ADGRF5: variants seen among roughly 807,000 people sequenced by gnomAD.
ADGRF5 encodes the protein adhesion G protein-coupled receptor F5, also known as G-protein coupled receptor 116.
A neutral mutation model predicts 132.3 loss-of-function variants in ADGRF5; 75 were observed. The observed-to-expected ratio is 0.57, with a 90% CI of 0.47 to 0.69. The LOEUF (loss-of-function observed/expected upper bound fraction) is 0.69, where lower values mean the gene tolerates loss of function less well. Among genes scored for constraint, ADGRF5 ranks in the 30% least tolerant of loss-of-function variants. The probability of loss-of-function intolerance (pLI) is 0.00; values close to 1 mark genes in which losing one functional copy is unlikely to be tolerated. For missense variants in ADGRF5, 1,516 were observed against 1,630.6 expected, an observed-to-expected ratio of 0.93 and a Z score of 1.21; for synonymous variants, 629 against 597.6, an observed-to-expected ratio of 1.05 and a Z score of -0.77.
intron 1 of ADGRF5, among the ~76,000 whole-genome samples, chr6:46,946,687 T>C (rs1263017061): frequency 6.6e-6 from 1 of 152,020 alleles, no homozygotes; most frequent in Non-Finnish European, 1.5e-5. Flanking sequence ...CCTCTTCCCT[T>C]GGGACAAAAC....
At chr6:46,877,227 CTTT>C (rs1312042886) in intron 10 of ADGRF5, among the ~76,000 whole-genome samples, 38 of 20,950 alleles carry the variant, frequency 1.8e-3, no homozygotes, top group African/African-American at 7.6e-3. Flanking sequence ...TATTTCCTCT[CTTT>C]CTTTCTTTCT....
At chr6:46,943,672 A>G (rs1778184344) in intron 1 of ADGRF5, among the ~76,000 whole-genome samples, 1 of 152,236 alleles carries the variant, frequency 6.6e-6, no homozygotes, top group South Asian at 2.1e-4. Context: ...GAAAGGTTAA[A>G]CAACTTGCCA....
At chr6:46,886,242 G>A (rs375916324) in intron 4 of ADGRF5, among the ~76,000 whole-genome samples, 19 of 152,312 alleles carry the variant, frequency 1.2e-4, no homozygotes, top group African/African-American at 3.8e-4. Context: ...CAACACGTTC[G>A]AGTTAATTCC....
intron 11 of ADGRF5, among the ~76,000 whole-genome samples, chr6:46,869,852 T>C: frequency 6.6e-6 from 1 of 152,312 alleles, no homozygotes. Context: ...TACAGCAATA[T>C]AAGTATTTAT....
chr6:46,874,226 T>C (rs182302792), intron 10 of ADGRF5, among the ~76,000 whole-genome samples: 17 of 152,326 alleles, frequency 1.1e-4, no homozygotes, highest in African/African-American at 4.1e-4. Flanking sequence ...GCTTCTCTTC[T>C]CTTTATCTTC....
At chr6:46,933,326 TA>T (rs1777657139) in intron 1 of ADGRF5, among the ~76,000 whole-genome samples, 1 of 152,210 alleles carries the variant, frequency 6.6e-6, no homozygotes. Context: ...CTCAGTAAAG[TA>T]ACTCCTGTTC....
At chr6:46,880,860 G>A (rs1772379672) in intron 8 of ADGRF5, among the ~76,000 whole-genome samples, 1 of 152,144 alleles carries the variant, frequency 6.6e-6, no homozygotes, top group African/African-American at 2.4e-5. Flanking sequence ...GGAGGCTAAG[G>A]TGGGAGGTTT....
chr6:46,862,051 A>G (rs1769810563), intron 15 of ADGRF5, among the ~76,000 whole-genome samples: 1 of 152,222 alleles, frequency 6.6e-6, no homozygotes, highest in Non-Finnish European at 1.5e-5. Flanking sequence ...TTACCTTGAC[A>G]GCACCTATAA....
At chr6:46,946,266 G>A (rs993350839) in intron 1 of ADGRF5, among the ~76,000 whole-genome samples, 3 of 152,196 alleles carry the variant, frequency 2.0e-5, no homozygotes, top group South Asian at 4.1e-4. Flanking sequence ...TTGGTGTCCT[G>A]GAAGGCAGGG....
At chr6:46,886,302 G>A (rs1345485438) in intron 4 of ADGRF5, among the ~76,000 whole-genome samples, 11 of 152,196 alleles carry the variant, frequency 7.2e-5, no homozygotes, top group Admixed American at 1.3e-4. Flanking sequence ...AGTGGGGCAG[G>A]AGAATTAGAA....
In ADGRF5 at chr6:46,878,416, TA is replaced by T. The variant is rs747631345; in HGVS notation, c.1037-12del. Reference sequence around the variant, plus strand: ...TGCAAACATATTCACCTGCATAAAATACACAAAATCATGTATTATTATAACA... The same window carrying T: ...TGCAAACATATTCACCTGCATAAAATCACAAAATCATGTATTATTATAACA... On this transcript the variant is annotated splice_polypyrimidine_tract_variant and intron_variant, in intron 9 of 20. Coordinates refer to ENST00000283296, the MANE Select transcript of ADGRF5 (RefSeq NM_001098518.2). The T allele has an allele frequency of 2.5e-5, 37 of 1,497,954 alleles. No homozygotes were observed. The highest frequency in any genetic ancestry group is 3.4e-5 in the Admixed American group (2 of 58,844). The allele number at this position is 1,497,954 out of a possible 1,614,324, so 92.8% of individuals were successfully genotyped here.
intron 1 of ADGRF5, among the ~76,000 whole-genome samples, chr6:46,913,186 C>T (rs1776113201): frequency 6.6e-6 from 1 of 151,912 alleles, no homozygotes; most frequent in African/African-American, 2.4e-5. Context: ...GTCAAGGAAA[C>T]CGGGGAAAGT....
intron 17 of ADGRF5, among the ~76,000 whole-genome samples, chr6:46,857,314 C>T (rs1769169153): frequency 6.6e-6 from 1 of 152,142 alleles, no homozygotes; most frequent in Non-Finnish European, 1.5e-5. Flanking sequence ...GACACAGGCC[C>T]AGTAGCAGAA....
chr6:46,876,856 C>T (rs752781684), intron 10 of ADGRF5, among the ~76,000 whole-genome samples: 14 of 152,110 alleles, frequency 9.2e-5, no homozygotes, highest in East Asian at 1.9e-4. Context: ...CCACCTGCCT[C>T]GGCCTCTGAA....
rs765309132 is a variant in ADGRF5, at chr6:46,891,262, T to C, written c.158-2757A>G. On this transcript the variant is annotated intron_variant, in intron 3 of 20. Transcript: ENST00000283296. ...TCCTGTTGACTTTCTGATTCTCCAA[T>C]GGTTCTGTGATGAAAACAAGCTTCC... Among the ~76,000 whole-genome samples the C allele has an allele frequency of 2.6e-5, 4 of 152,306 alleles. No individual in the cohort carries two copies. The East Asian group carries it at 7.7e-4, about 29-fold the overall frequency.
chr6:46,918,723 G>A (rs537457679), intron 1 of ADGRF5, among the ~76,000 whole-genome samples: 4 of 152,280 alleles, frequency 2.6e-5, no homozygotes, highest in Non-Finnish European at 4.4e-5. Flanking sequence ...TGGAGGTGTC[G>A]GAAATCTCCT....
At chr6:46,922,250 G>T (rs576624949), upstream of ADGRF5, among the ~76,000 whole-genome samples, 2 of 152,298 alleles carry the variant, frequency 1.3e-5, no homozygotes, top group East Asian at 3.9e-4. Context: ...CTTCAGAGAG[G>T]AAGGAAAATT....
intron 1 of ADGRF5, among the ~76,000 whole-genome samples, chr6:46,949,487 G>A (rs575890559): frequency 6.6e-6 from 1 of 152,324 alleles, no homozygotes; most frequent in South Asian, 2.1e-4. Context: ...TAGCAGAAAA[G>A]GAAAGATGGG....
chr6:46,854,791 T>C lies in ADGRF5; in HGVS notation c.3962-720A>G, dbSNP rs183415655. ...GGGATCTTAGGGGCTGCTGACAACATAAACCAAAGTTACGGTGCTTATGGG... is the reference window on the plus strand; with the variant it reads ...GGGATCTTAGGGGCTGCTGACAACACAAACCAAAGTTACGGTGCTTATGGG... On this transcript the variant is annotated intron_variant, in intron 20 of 20. Coordinates refer to ENST00000283296, the MANE Select transcript of ADGRF5 (RefSeq NM_001098518.2). The C allele has an allele frequency of 1.4e-3, 1,741 of 1,285,008 alleles. 19 individuals carry two copies. In the African/African-American group the frequency reaches 0.022, roughly 16 times the overall value. 79.6% of individuals were successfully genotyped at this position (1,285,008 alleles called of 1,614,324 possible).
Sources: allele counts gnomAD v4.1 joint callset (sites outside exome capture counted in the v4.1 genomes callset), GRCh38; gene constraint gnomAD v4.1.1; transcripts MANE v1.5; gene names NCBI Gene and HGNC (gene_info 2026-07-23, HGNC 2026-07-21).